RAPGEF4: variants seen among roughly 807,000 people sequenced by gnomAD.
The protein encoded by RAPGEF4 is RAP guanine-nucleotide-exchange factor (GEF) 4.
A neutral mutation model predicts 147.9 loss-of-function variants in RAPGEF4; 66 were observed. The ratio of observed to expected loss-of-function variants is 0.45; its 90% CI spans 0.37 to 0.55. The LOEUF is 0.55. Among genes scored for constraint, RAPGEF4 ranks in the 20% least tolerant of loss-of-function variants. The pLI is 0.00. For synonymous variants in RAPGEF4, 419 were observed against 442.7 expected (o/e 0.95, Z 0.67); for missense variants, 1,071 against 1,257.3 (o/e 0.85, Z 2.24).
chr2:172,977,714 C>A (rs1003635853), intron 10 of RAPGEF4, among the ~76,000 whole-genome samples: 1 of 152,182 alleles, frequency 6.6e-6, no homozygotes. Context: ...CATGTTGAGG[C>A]CCCTGAGGGA....
Position 173,009,971 on chromosome 2 carries a change from G to C in RAPGEF4, c.1659-4493G>C, listed in dbSNP as rs1694853482. Reference sequence around the variant, plus strand: ...TCTATGTTTGCATAAAGAAAGTAATGTTAACATCAGACAAAACACAACAAC... The same window carrying C: ...TCTATGTTTGCATAAAGAAAGTAATCTTAACATCAGACAAAACACAACAAC... On this transcript the variant is annotated intron_variant, in intron 17 of 30. Transcript: ENST00000397081. Among the ~76,000 whole-genome samples the C allele has an allele frequency of 2.6e-5, 4 of 152,302 alleles. No homozygotes were observed. In the South Asian group the frequency reaches 8.3e-4, roughly 32 times the overall value.
At chr2:173,048,752 G>T in intron 30 of RAPGEF4, 98 bp downstream of exon 30, 1 of 1,574,728 alleles carries the variant, frequency 6.4e-7, no homozygotes, top group South Asian at 1.2e-5. Context: ...GGAAATATCT[G>T]ACTGTGTCAG....
At chr2:173,017,120 G>A in intron 19 of RAPGEF4, 54 bp from the exon 20 acceptor site, 4 of 1,527,248 alleles carry the variant, frequency 2.6e-6, no homozygotes, top group Non-Finnish European at 3.6e-6. Flanking sequence ...TACAAATAAG[G>A]CAATTTAATA....
At chr2:172,836,573 C>T (rs966359565) in intron 4 of RAPGEF4, among the ~76,000 whole-genome samples, 4 of 152,184 alleles carry the variant, frequency 2.6e-5, no homozygotes, top group East Asian at 1.9e-4. Context: ...TTGACTTCCT[C>T]CCCCAAATGG....
At chr2:172,778,083 T>C (rs1684344126) in intron 1 of RAPGEF4, among the ~76,000 whole-genome samples, 1 of 152,202 alleles carries the variant, frequency 6.6e-6, no homozygotes, top group African/African-American at 2.4e-5. Flanking sequence ...TATTATCTTG[T>C]TAGTGAAGTA....
chr2:173,003,093 G>A (rs748719140), intron 17 of RAPGEF4, among the ~76,000 whole-genome samples: 17 of 151,584 alleles, frequency 1.1e-4, no homozygotes, highest in Non-Finnish European at 2.4e-4. Flanking sequence ...GCCAAGGCCC[G>A]GCATCTTTAC....
chr2:172,795,077 G>C lies in RAPGEF4; in HGVS notation c.118G>C (p.Glu40Gln), dbSNP rs1686234309. The C allele has an allele frequency of 1.2e-6, 2 of 1,613,910 alleles. No homozygotes were observed. The highest frequency in any genetic ancestry group is 4.5e-5 in the East Asian group (2 of 44,864). ...DVDIIFTRLK[E>Q]VKAFEKFHPN... Reference sequence around the variant, plus strand: ...GGATATAATCTTCACTCGACTGAAAGAAGTTAAAGCTTTTGAGAAATTTCA... The same window carrying C: ...GGATATAATCTTCACTCGACTGAAACAAGTTAAAGCTTTTGAGAAATTTCA... Residue 40 changes from glutamate to glutamine, a missense_variant, in exon 2 of 31, where the codon GAA becomes CAA. Coordinates refer to ENST00000397081, the MANE Select transcript of RAPGEF4 (RefSeq NM_007023.4).
At chr2:172,828,800 T>C (rs1224210993) in intron 4 of RAPGEF4, among the ~76,000 whole-genome samples, 1 of 152,146 alleles carries the variant, frequency 6.6e-6, no homozygotes, top group African/African-American at 2.4e-5. Flanking sequence ...GCCTCCCAGT[T>C]CAGGCAAATC....
intron 1 of RAPGEF4, among the ~76,000 whole-genome samples, chr2:172,747,734 A>T (rs548014149): frequency 1.3e-3 from 192 of 152,288 alleles, no homozygotes; most frequent in African/African-American, 4.4e-3. Context: ...AAGTGCTGGG[A>T]TTACAGGCAG....
chr2:172,749,332 C>A (rs1695053470), intron 1 of RAPGEF4, among the ~76,000 whole-genome samples: 1 of 152,236 alleles, frequency 6.6e-6, no homozygotes, highest in South Asian at 2.1e-4. Context: ...CATACATCCC[C>A]CAAAATCTAG....
intron 15 of RAPGEF4, among the ~76,000 whole-genome samples, chr2:172,991,386 G>A (rs1260094934): frequency 6.6e-6 from 1 of 152,122 alleles, no homozygotes; most frequent in African/African-American, 2.4e-5. Context: ...ATATAAAACA[G>A]TCTATTGATT....
intron 4 of RAPGEF4, among the ~76,000 whole-genome samples, chr2:172,858,703 G>A (rs2149767342): frequency 6.6e-6 from 1 of 152,274 alleles, no homozygotes; most frequent in Non-Finnish European, 1.5e-5. Flanking sequence ...GGATGTTTGT[G>A]GAGCAGTTAA....
intron 18 of RAPGEF4, among the ~76,000 whole-genome samples, chr2:173,015,254 C>T (rs1559186263): frequency 6.6e-6 from 1 of 152,146 alleles, no homozygotes; most frequent in Non-Finnish European, 1.5e-5. Context: ...TTCATAAACA[C>T]TGTTGAAAGC....
At chr2:173,041,028 A>G (rs1440371414) in intron 29 of RAPGEF4, among the ~76,000 whole-genome samples, 1 of 152,184 alleles carries the variant, frequency 6.6e-6, no homozygotes, top group East Asian at 1.9e-4. Context: ...TTATTTATAA[A>G]TATGATTTTT....
intron 17 of RAPGEF4, among the ~76,000 whole-genome samples, chr2:173,003,039 C>T (rs529519679): frequency 6.6e-6 from 1 of 152,116 alleles, no homozygotes; most frequent in East Asian, 1.9e-4. Context: ...AGCAGATAAG[C>T]CTAAGGCAAA....
At chr2:172,863,243 T>C (rs1694229947) in intron 4 of RAPGEF4, among the ~76,000 whole-genome samples, 3 of 152,024 alleles carry the variant, frequency 2.0e-5, no homozygotes, top group Admixed American at 6.6e-5. Flanking sequence ...ACTTATAAAC[T>C]AAGAAAAGTA....
chr2:172,892,802 G>A (rs1036027257), intron 4 of RAPGEF4, among the ~76,000 whole-genome samples: 3 of 152,134 alleles, frequency 2.0e-5, no homozygotes, highest in African/African-American at 4.8e-5. Flanking sequence ...CTGCTTTCAC[G>A]TTCTGCTTTC....
At position 173,026,588 on chromosome 2, in the gene RAPGEF4, A is replaced by G; in HGVS notation, c.2270A>G (p.Gln757Arg). 2 of 1,613,762 alleles carry G rather than the reference A, an allele frequency of 1.2e-6. No homozygotes were observed. Among genetic ancestry groups the G allele is most frequent in the South Asian group, 1.1e-5 (1 of 91,044 alleles). Residue 757 changes from glutamine to arginine, a missense_variant, in exon 24 of 31, where the codon CAG (glutamine) becomes CGG (arginine). Physicochemically the swap from Gln to Arg is conservative, Grantham distance 43 (BLOSUM62 1). Transcript: ENST00000397081. ...TATTCATAGACTCCCTTACCAGAACAGGAAGGCCCAACTGTTGGAACAGTG... is the reference window on the plus strand; with the variant it reads ...TATTCATAGACTCCCTTACCAGAACGGGAAGGCCCAACTGTTGGAACAGTG... ...QFDSLTPLPEQEGPTVGTVGT... is the reference protein window; with the variant it reads ...QFDSLTPLPEREGPTVGTVGT...
chr2:172,933,057 C>G (rs1459488743), intron 6 of RAPGEF4, among the ~76,000 whole-genome samples: 1 of 152,138 alleles, frequency 6.6e-6, no homozygotes, highest in African/African-American at 2.4e-5. Flanking sequence ...AAAGTCAATT[C>G]ATGCACCTTT....
Sources: gnomAD v4.1 joint callset for allele counts (sites outside exome capture counted in the v4.1 genomes callset) on GRCh38, gnomAD v4.1.1 for gene constraint, MANE v1.5 for transcripts, NCBI Gene and HGNC (gene_info 2026-07-23, HGNC 2026-07-21) for gene names.